ZBTB20: variants seen among roughly 807,000 people sequenced by gnomAD.
ZBTB20 encodes the protein zinc finger and BTB domain containing 20.
Under a neutral mutation model 56.9 loss-of-function variants are expected in ZBTB20, and 9 were observed. The observed-to-expected ratio is 0.16, with a 90% confidence interval of 0.10 to 0.28. The LOEUF (loss-of-function observed/expected upper bound fraction) is 0.28, where lower values mean the gene tolerates loss of function less well. ZBTB20 is among the 10% of genes least tolerant of loss of function. ZBTB20 has a pLI of 1.00. For synonymous variants in ZBTB20, 417 were observed against 420.7 expected, an observed-to-expected ratio of 0.99 and a Z score of 0.11; for missense variants, 655 against 1,003.0, an observed-to-expected ratio of 0.65 and a Z score of 4.69.
intron 1 of ZBTB20, among the ~76,000 whole-genome samples, chr3:115,072,174 T>G (rs1399011758): frequency 2.0e-5 from 3 of 152,164 alleles, no homozygotes; most frequent in Admixed American, 2.0e-4. Flanking sequence ...GTTATACAGT[T>G]TTGAGGGTTT....
intron 6 of ZBTB20, among the ~76,000 whole-genome samples, chr3:114,584,809 C>A (rs559995913): frequency 6.6e-6 from 1 of 152,080 alleles, no homozygotes; most frequent in Non-Finnish European, 1.5e-5. Context: ...AAAATAAGTA[C>A]GAGAATGCAA....
chr3:115,093,088 A>G (rs1450615886), intron 1 of ZBTB20, among the ~76,000 whole-genome samples: 4 of 152,134 alleles, frequency 2.6e-5, no homozygotes, highest in African/African-American at 9.7e-5. Context: ...AGAGATCATG[A>G]TGTACTCAAA....
chr3:115,024,725 C>T (rs2108317251), intron 2 of ZBTB20, among the ~76,000 whole-genome samples: 1 of 151,090 alleles, frequency 6.6e-6, no homozygotes, highest in East Asian at 2.0e-4. Flanking sequence ...TTTCCTCATA[C>T]ACTTCAATCA....
At position 114,314,665 on chromosome 3, in the gene ZBTB20, A is replaced by G. The variant is rs983496263; in HGVS notation, c.*24340T>C. 1.4e-4 allele frequency: 21 copies of G among 152,056 alleles called. No individual in the cohort carries two copies. The highest frequency in any genetic ancestry group is 7.2e-4 in the Admixed American group (11 of 15,262). 9.4% of individuals were successfully genotyped at this position (152,056 alleles called of 1,614,324 possible). On this transcript the variant is annotated 3_prime_UTR_variant, in exon 12 of 12. Coordinates refer to ENST00000675478, the MANE Select transcript of ZBTB20 (RefSeq NM_001348800.3). Reference sequence around the variant, plus strand: ...ACAAACATCATTCTTAGCAACATCAATTACTCTTCCACACAAAACAGAAAC... The same window carrying G: ...ACAAACATCATTCTTAGCAACATCAGTTACTCTTCCACACAAAACAGAAAC...
chr3:114,423,765 A>T (rs1417623199), intron 7 of ZBTB20, among the ~76,000 whole-genome samples: 3 of 152,326 alleles, frequency 2.0e-5, no homozygotes, highest in African/African-American at 7.2e-5. Flanking sequence ...TATCTGTGAC[A>T]ATTTAGTTAA....
rs1425438469 is a variant in ZBTB20 at position 114,319,556 on chromosome 3, T to C, written c.*19449A>G. 1.3e-5 allele frequency: 2 copies of C among 152,184 alleles called. No homozygotes were observed. The highest frequency in any genetic ancestry group is 1.3e-4 in the Admixed American group (2 of 15,284). 9.4% of individuals were successfully genotyped at this position (152,184 alleles called of 1,614,324 possible). On this transcript the variant is annotated 3_prime_UTR_variant, in exon 12 of 12. Coordinates refer to ENST00000675478, the MANE Select transcript of ZBTB20 (RefSeq NM_001348800.3). ...TTCTTCCCTTTACTGTGCATTTGTA[T>C]GGGTAAACGGGCCAGTTTGGTATTG...
At chr3:114,746,263 T>G (rs1312704912) in intron 5 of ZBTB20, among the ~76,000 whole-genome samples, 1 of 152,160 alleles carries the variant, frequency 6.6e-6, no homozygotes, top group Non-Finnish European at 1.5e-5. Flanking sequence ...GAAGGACAAG[T>G]TTTTCACTCA....
chr3:115,047,515 C>A (rs2081376265), intron 2 of ZBTB20, among the ~76,000 whole-genome samples: 1 of 152,094 alleles, frequency 6.6e-6, no homozygotes, highest in Non-Finnish European at 1.5e-5. Flanking sequence ...TACTTATAAT[C>A]ATTATTGTAC....
intron 1 of ZBTB20, among the ~76,000 whole-genome samples, chr3:115,137,239 G>A (rs1011683702): frequency 6.6e-6 from 1 of 152,022 alleles, no homozygotes; most frequent in Admixed American, 6.6e-5. Flanking sequence ...AGATGATACA[G>A]CTTATATTTG....
chr3:114,344,376 A>G (rs1190027836), intron 11 of ZBTB20, among the ~76,000 whole-genome samples: 3 of 152,206 alleles, frequency 2.0e-5, no homozygotes, highest in Non-Finnish European at 4.4e-5. Flanking sequence ...TCATCTAAGA[A>G]GTCAGTAGCA....
At chr3:114,898,940 G>A (rs553038242) in intron 4 of ZBTB20, among the ~76,000 whole-genome samples, 42 of 152,014 alleles carry the variant, frequency 2.8e-4, no homozygotes, top group Admixed American at 1.2e-3. Flanking sequence ...CTTTAATATT[G>A]AGTTGCAGCT....
intron 6 of ZBTB20, among the ~76,000 whole-genome samples, chr3:114,647,706 GTACTCAGTAAA>G (rs1228467638): frequency 6.6e-6 from 1 of 152,030 alleles, no homozygotes; most frequent in Non-Finnish European, 1.5e-5. Flanking sequence ...CAATGTGTAA[GTACTCAGTAAA>G]TACTCAGTAC....
chr3:114,786,699 GA>G (rs915664602), intron 5 of ZBTB20, among the ~76,000 whole-genome samples: 6 of 147,396 alleles, frequency 4.1e-5, no homozygotes, highest in East Asian at 2.0e-4. Flanking sequence ...ACAGTTTGAA[GA>G]AAAAAAAATG....
At chr3:115,119,986 C>T (rs1052877425) in intron 1 of ZBTB20, among the ~76,000 whole-genome samples, 3 of 151,310 alleles carry the variant, frequency 2.0e-5, no homozygotes, top group African/African-American at 7.3e-5. Flanking sequence ...ACTATGGAGA[C>T]AGCTTAAAAA....
intron 6 of ZBTB20, among the ~76,000 whole-genome samples, chr3:114,532,556 C>A (rs557759133): frequency 6.6e-6 from 1 of 152,184 alleles, no homozygotes; most frequent in Non-Finnish European, 1.5e-5. Context: ...CAGCTGTGGG[C>A]GCAGTTTCAG....
At chr3:115,087,264 G>A (rs1048553776) in intron 1 of ZBTB20, among the ~76,000 whole-genome samples, 14 of 151,756 alleles carry the variant, frequency 9.2e-5, no homozygotes, top group African/African-American at 3.4e-4. Flanking sequence ...CTTTAAATAG[G>A]TGTCCATTAC....
At chr3:114,819,049 A>C (rs549449223) in intron 4 of ZBTB20, among the ~76,000 whole-genome samples, 1 of 152,078 alleles carries the variant, frequency 6.6e-6, no homozygotes, top group African/African-American at 2.4e-5. Context: ...TCAGAATGGA[A>C]CCCCACATAA....
chr3:114,454,175 G>GAGAGAGA (rs2091839032), intron 7 of ZBTB20, among the ~76,000 whole-genome samples: 2 of 116,676 alleles, frequency 1.7e-5, no homozygotes, highest in Admixed American at 8.8e-5. Flanking sequence ...AAAAGAGAAG[G>GAGAGAGA]GAGAGAGAGA....
chr3:115,023,779 C>G lies in ZBTB20; in HGVS notation c.-507+47440G>C, dbSNP rs554327781. ...ATTCTTACACTACACTACTGGTGTACTCAGAGGAAAAAATGATGCTAAAAT... is the reference window on the plus strand; with the variant it reads ...ATTCTTACACTACACTACTGGTGTAGTCAGAGGAAAAAATGATGCTAAAAT... On this transcript the variant is annotated intron_variant, in intron 2 of 11. Coordinates refer to ENST00000675478, the MANE Select transcript of ZBTB20 (RefSeq NM_001348800.3). Among the ~76,000 whole-genome samples the G allele has an allele frequency of 4.0e-5, 6 of 150,848 alleles. No individual in the cohort carries two copies. In the South Asian group the frequency reaches 1.2e-3, roughly 31 times the overall value.
Sources: allele counts gnomAD v4.1 joint callset (sites outside exome capture counted in the v4.1 genomes callset), GRCh38; gene constraint gnomAD v4.1.1; transcripts MANE v1.5; gene names NCBI Gene and HGNC (gene_info 2026-07-23, HGNC 2026-07-21).